The following SMARCA1 variants were observed in gnomAD, a reference collection of about 807,000 sequenced individuals.
SMARCA1 encodes SWI/SNF-related matrix-associated actin-dependent regulator of chromatin subfamily A member 1.
SMARCA1 carries 17 observed loss-of-function variants against 93.6 expected under a neutral mutation model. The observed-to-expected ratio is 0.18, with a 90% CI of 0.12 to 0.27. The LOEUF is 0.27. SMARCA1 is among the 10% of genes least tolerant of loss of function. The pLI, the probability that SMARCA1 is intolerant of heterozygous loss-of-function variation, is 1.00. For synonymous variants in SMARCA1, 271 were observed against 271.4 expected, an observed-to-expected ratio of 1.00 and a Z score of 0.01; for missense variants, 630 against 819.0, an observed-to-expected ratio of 0.77 and a Z score of 2.82.
intron 19 of SMARCA1, among the ~76,000 whole-genome samples, chrX:129,472,734 T>C (rs1174442121): frequency 1.8e-5 from 2 of 111,811 alleles, no homozygotes; most frequent in Non-Finnish European, 3.8e-5. Flanking sequence ...ATTTCAGATT[T>C]TTGGGGGTTT....
chrX:129,518,283 A>G (rs1935271783), intron 2 of SMARCA1, 78 bp downstream of exon 2: 1 of 509,897 alleles, frequency 2.0e-6, no homozygotes, highest in Non-Finnish European at 3.3e-6. Flanking sequence ...ATATATATAC[A>G]TGTATTTTTT....
intron 19 of SMARCA1, among the ~76,000 whole-genome samples, chrX:129,478,414 G>A (rs1933488264): frequency 8.9e-6 from 1 of 112,083 alleles, no homozygotes; most frequent in South Asian, 3.8e-4. Flanking sequence ...AAGTGAGGAA[G>A]AGCAAACAAT....
intron 9 of SMARCA1, among the ~76,000 whole-genome samples, 152 bp downstream of exon 9, chrX:129,504,570 AAAAAAAAAAAAC>A (rs1934725991): frequency 3.1e-5 from 3 of 96,551 alleles, no homozygotes; most frequent in Admixed American, 2.2e-4. Flanking sequence ...AAAAAAAAAA[AAAAAAAAAAAAC>A]AAAGAGGCTG....
chrX:129,458,386 C>T (rs1932731229), intron 23 of SMARCA1, among the ~76,000 whole-genome samples: 1 of 112,178 alleles, frequency 8.9e-6, no homozygotes, highest in Admixed American at 9.5e-5. Context: ...ATTGTGTTGC[C>T]TTGGTTCTCC....
intron 23 of SMARCA1, among the ~76,000 whole-genome samples, chrX:129,449,733 TA>T (rs755047556): frequency 1.8e-5 from 2 of 110,468 alleles, no homozygotes; most frequent in Non-Finnish European, 3.8e-5. Flanking sequence ...CCAGAATAGC[TA>T]AACACTCAAG....
chrX:129,504,568 A>AAAC (rs1569446153), intron 9 of SMARCA1, among the ~76,000 whole-genome samples, 166 bp downstream of exon 9: 11 of 98,036 alleles, frequency 1.1e-4, no homozygotes, highest in African/African-American at 2.1e-4. Flanking sequence ...AAAAAAAAAA[A>AAAC]AAAAAAAAAA....
chrX:129,517,350 CTA>C (rs1026315614), intron 2 of SMARCA1, among the ~76,000 whole-genome samples: 3 of 110,101 alleles, frequency 2.7e-5, no homozygotes, highest in African/African-American at 9.9e-5. Context: ...AAAATAAAGA[CTA>C]TTTATTTATT....
intron 5 of SMARCA1, among the ~76,000 whole-genome samples, chrX:129,514,861 A>G (rs2124343086): frequency 9.1e-6 from 1 of 110,430 alleles, no homozygotes; most frequent in East Asian, 2.9e-4. Context: ...CAGCCTGGCC[A>G]AAACGGTGAA....
chrX:129,482,355 A>G (rs183223643), intron 17 of SMARCA1, among the ~76,000 whole-genome samples: 65 of 111,679 alleles, frequency 5.8e-4, no homozygotes, highest in Non-Finnish European at 9.2e-4. Flanking sequence ...AAAAAGAAGA[A>G]AAAAAAGAAA....
At chrX:129,460,512 G>A (rs898135564) in intron 23 of SMARCA1, among the ~76,000 whole-genome samples, 1 of 110,370 alleles carries the variant, frequency 9.1e-6, no homozygotes, top group African/African-American at 3.3e-5. Flanking sequence ...TTAGCCGGTC[G>A]TAGTGATGCG....
At chrX:129,456,134 C>T (rs1932611651) in intron 23 of SMARCA1, among the ~76,000 whole-genome samples, 1 of 111,689 alleles carries the variant, frequency 9.0e-6, no homozygotes, top group Admixed American at 9.6e-5. Flanking sequence ...AACCAACGCT[C>T]ATTTATTATT....
intron 9 of SMARCA1, among the ~76,000 whole-genome samples, 171 bp downstream of exon 9, chrX:129,504,563 A>C (rs922304406): frequency 2.1e-5 from 2 of 96,038 alleles, no homozygotes; most frequent in African/African-American, 8.7e-5. Flanking sequence ...AAAAAAAAAA[A>C]AAAAAAAAAA....
intron 9 of SMARCA1, among the ~76,000 whole-genome samples, chrX:129,501,138 G>C (rs1420812097): frequency 9.0e-6 from 1 of 111,673 alleles, no homozygotes; most frequent in Non-Finnish European, 1.9e-5. Context: ...AACTTTGCTA[G>C]CAAGTGGTAG....
intron 21 of SMARCA1, among the ~76,000 whole-genome samples, chrX:129,467,895 C>CA (rs1932961493): frequency 8.9e-6 from 1 of 111,911 alleles, no homozygotes; most frequent in African/African-American, 3.2e-5. Context: ...GTTTCAATGA[C>CA]AAAAAATGCT....
chrX:129,507,974 A>C lies in SMARCA1; in HGVS notation c.933T>G (p.Asp311Glu). Residue 311 changes from aspartate to glutamate, a missense_variant, in exon 7 of 25, where the codon GAT becomes GAG. Asp to Glu is a conservative substitution (Grantham distance 45, BLOSUM62 2). This residue lies in a region of SMARCA1 where 382 missense variants were observed against 537.9 expected (regional missense o/e 0.71). Transcript: ENST00000371121. Reference sequence around the variant, plus strand: ...TTTCATTCTTTATTCTGTGAGCTTCATCAATGACCAGGTATCGCCAGTGAA... The same window carrying C: ...TTTCATTCTTTATTCTGTGAGCTTCCTCAATGACCAGGTATCGCCAGTGAA... ...KKFHWRYLVI[D>E]EAHRIKNEKS... 8.5e-7 allele frequency: 1 copy of C among 1,173,511 alleles called. No homozygotes were observed. The highest frequency in any genetic ancestry group is 1.1e-6 in the Non-Finnish European group (1 of 873,729).
At chrX:129,498,749 A>G (rs978590661) in intron 10 of SMARCA1, among the ~76,000 whole-genome samples, 1 of 111,941 alleles carries the variant, frequency 8.9e-6, no homozygotes, top group African/African-American at 3.2e-5. Flanking sequence ...CTGAGTCCAA[A>G]GAATATACTC....
intron 1 of SMARCA1, 54 bp from the exon 2 acceptor site, chrX:129,518,501 C>G: frequency 1.4e-6 from 1 of 707,663 alleles, no homozygotes; most frequent in Non-Finnish European, 2.2e-6. Flanking sequence ...GGTTCTTAAA[C>G]TGGTCAATGC....
chrX:129,502,257 G>A (rs748905016), intron 9 of SMARCA1, among the ~76,000 whole-genome samples: 1 of 111,581 alleles, frequency 9.0e-6, no homozygotes, highest in East Asian at 2.8e-4. Context: ...TAAAACCATG[G>A]GAGTGGATCC....
intron 9 of SMARCA1, among the ~76,000 whole-genome samples, chrX:129,501,322 G>A (rs1357340601): frequency 1.9e-5 from 2 of 108,043 alleles, no homozygotes; most frequent in Non-Finnish European, 3.8e-5. Flanking sequence ...TTGAGACAGA[G>A]TCTCGCTCTG....
Sources: allele counts gnomAD v4.1 joint callset (sites outside exome capture counted in the v4.1 genomes callset), GRCh38; gene constraint gnomAD v4.1.1; regional missense constraint gnomAD v4.1.1; transcripts MANE v1.5; gene names NCBI Gene and HGNC (gene_info 2026-07-23, HGNC 2026-07-21).